ABCA4: variants seen among roughly 807,000 people sequenced by gnomAD.
ABCA4 encodes the protein ATP binding cassette subfamily A member 4, also known as retinal-specific phospholipid-transporting ATPase ABCA4.
ABCA4 carries 196 observed loss-of-function variants against 263.7 expected under a neutral mutation model. The observed-to-expected ratio is 0.74, with a 90% CI of 0.66 to 0.84. The LOEUF is 0.84. Among genes scored for constraint, ABCA4 ranks in the 40% least tolerant of loss-of-function variants. The pLI, the probability that ABCA4 is intolerant of heterozygous loss-of-function variation, is 0.00. For synonymous variants in ABCA4, 1,133 were observed against 1,094.2 expected (o/e 1.04, Z -0.70); for missense variants, 2,792 against 2,855.1 (o/e 0.98, Z 0.50).
At chr1:94,059,945 A>C (rs1661074403) in intron 14 of ABCA4, among the ~76,000 whole-genome samples, 4 of 151,752 alleles carry the variant, frequency 2.6e-5, no homozygotes, top group Admixed American at 2.6e-4. Context: ...GGCTATAAAA[A>C]CTCCTTATCA....
In ABCA4 at chr1:94,079,431, A is replaced by G; in HGVS notation, c.1130T>C (p.Leu377Pro). The change falls in exon 9 of 50, where the codon CTG becomes CCG. Residue 377 changes from leucine (L) to proline (P), a missense_variant. By Grantham distance (98) the Leu-to-Pro change is moderately conservative. Coordinates refer to ENST00000370225, the MANE Select transcript of ABCA4 (RefSeq NM_000350.3). ...GATTTTGGTTAAAGGATTTGACTCC[A>G]GGCTCTGGATCAATGCATTACAAAA... ...TSFCNALIQS[L>P]ESNPLTKIAW... The G allele has an allele frequency of 3.1e-6, 5 of 1,614,234 alleles. No individual in the cohort carries two copies. Among genetic ancestry groups the G allele is most frequent in the Non-Finnish European group, 4.2e-6 (5 of 1,180,030 alleles).
chr1:94,046,967 T>C lies in ABCA4; in HGVS notation c.2870A>G (p.Gln957Arg), dbSNP rs61749448. 1 of 1,614,046 alleles carries C rather than the reference T, an allele frequency of 6.2e-7. No homozygotes were observed. Among genetic ancestry groups the C allele is most frequent in the Non-Finnish European group, 8.5e-7 (1 of 1,180,038 alleles). ...DRLNITFYEN[Q>R]ITAFLGHNGA... Reference sequence around the variant, plus strand: ...ATTGTGGCCCAGGAATGCGGTGATCTGGTTCTCGTAGAAGGTGATGTTCAG... The same window carrying C: ...ATTGTGGCCCAGGAATGCGGTGATCCGGTTCTCGTAGAAGGTGATGTTCAG... The change falls in exon 19 of 50, where the codon CAG (glutamine) becomes CGG (arginine). Residue 957 changes from glutamine to arginine, a missense_variant. By Grantham distance (43) the Gln-to-Arg change is conservative. Transcript: ENST00000370225.
Position 94,005,539 on chromosome 1 carries a change from A to G in ABCA4, c.6049T>C (p.Cys2017Arg), listed in dbSNP as rs2101000542. Residue 2017 changes from cysteine to arginine, a missense_variant, in exon 44 of 50, where the codon TGT becomes CGT. Cys to Arg is a radical substitution (Grantham distance 180, BLOSUM62 -3). Coordinates refer to ENST00000370225, the MANE Select transcript of ABCA4 (RefSeq NM_000350.3). Reference protein sequence around the residue: ...ISEVHQNMGYCPQFDAIDELL... With the variant: ...ISEVHQNMGYRPQFDAIDELL... ...TCATCAATTGCATCAAACTGAGGAC[A>G]GTAGCCCATATTTTGATGGACTTCA... is the stretch of plus-strand genomic sequence containing the variant. The G allele has an allele frequency of 6.2e-7, 1 of 1,614,142 alleles. No individual in the cohort carries two copies. Among genetic ancestry groups the G allele is most frequent in the Non-Finnish European group, 8.5e-7 (1 of 1,179,970 alleles).
At chr1:94,015,490 C>T (rs1036215115) in intron 37 of ABCA4, among the ~76,000 whole-genome samples, 1 of 152,146 alleles carries the variant, frequency 6.6e-6, no homozygotes, top group African/African-American at 2.4e-5. Context: ...GTAGGAGATT[C>T]AGATCATGTG....
chr1:94,005,447 G>T lies in ABCA4; in HGVS notation c.6141C>A (p.Ile2047=). The change falls in exon 44 of 50, where the codon ATC becomes ATA. Residue 2047 remains isoleucine (I), a synonymous_variant. Coordinates refer to ENST00000370225, the MANE Select transcript of ABCA4 (RefSeq NM_000350.3). ...ACAACAAAACATTTTTCACCTTTTC[G>T]ATTTCTTCTGCTGGTACACCTCGAA... is the stretch of plus-strand genomic sequence containing the variant. The part of the protein sequence containing the change: ...ARLRGVPAEE[I]EKVANWSIKS... 1 of 1,613,960 alleles carries T rather than the reference G, an allele frequency of 6.2e-7. No individual in the cohort carries two copies. The highest frequency in any genetic ancestry group is 8.5e-7 in the Non-Finnish European group (1 of 1,179,974).
chr1:94,018,083 T>C (rs1659786465), intron 36 of ABCA4, among the ~76,000 whole-genome samples: 1 of 152,190 alleles, frequency 6.6e-6, no homozygotes, highest in Non-Finnish European at 1.5e-5. Context: ...CCTACCATCT[T>C]CTACCCCTTC....
chr1:94,092,458 C>A (rs374367213), intron 6 of ABCA4, among the ~76,000 whole-genome samples: 1 of 152,128 alleles, frequency 6.6e-6, no homozygotes, highest in East Asian at 1.9e-4. Context: ...AGGGAGGAAG[C>A]GGGCTTCAGT....
rs1388116205 is a variant in ABCA4 at position 94,040,095 on chromosome 1, G to A, written c.3555C>T (p.Ser1185=). The change falls in exon 24 of 50, where the codon TCC becomes TCT. Residue 1185 remains serine, a synonymous_variant. Coordinates refer to ENST00000370225, the MANE Select transcript of ABCA4 (RefSeq NM_000350.3). ...CATCGACGTGGGCTGGACACGTGGT[G>A]GAGAAACCCTTAGACGAGCAGCTGC... ...GTCSCSSKGF[S]TTCPAHVDDL... is the part of the protein sequence containing the mutation. The A allele has an allele frequency of 3.7e-6, 6 of 1,610,246 alleles. No homozygotes were observed. Among genetic ancestry groups the A allele is most frequent in the Non-Finnish European group, 5.1e-6 (6 of 1,178,248 alleles).
At chr1:94,046,298 AAAAAAATAC>A (rs1251894561) in intron 19 of ABCA4, among the ~76,000 whole-genome samples, 1 of 128,668 alleles carries the variant, frequency 7.8e-6, no homozygotes, top group Admixed American at 7.6e-5. Context: ...AAAAAAAAAA[AAAAAAATAC>A]AAAAATTAGC....
Position 94,096,281 on chromosome 1 carries a change from T to C in ABCA4, c.768+2513A>G, listed in dbSNP as rs1662122679. Among the ~76,000 whole-genome samples the C allele has an allele frequency of 5.3e-5, 8 of 152,132 alleles. 1 individual carries two copies. The highest frequency in any genetic ancestry group is 4.6e-4 in the Admixed American group (7 of 15,274). On this transcript the variant is annotated intron_variant, in intron 6 of 49. Transcript: ENST00000370225. ...GGGGCCAGGCATTTGTAGGACACATTGAATCACTGGGGAAGCTTCTAAAAG... is the reference window on the plus strand; with the variant it reads ...GGGGCCAGGCATTTGTAGGACACATCGAATCACTGGGGAAGCTTCTAAAAG...
intron 40 of ABCA4, among the ~76,000 whole-genome samples, chr1:94,010,434 C>T (rs1406483086): frequency 6.6e-6 from 1 of 152,210 alleles, no homozygotes; most frequent in African/African-American, 2.4e-5. Context: ...CTGCTGTGTC[C>T]TTTCTCTCAT....
At chr1:94,046,565 T>C (rs762543407) in intron 19 of ABCA4, among the ~76,000 whole-genome samples, 6 of 151,706 alleles carry the variant, frequency 4.0e-5, no homozygotes, top group Middle Eastern at 3.5e-3. Flanking sequence ...CCATGGACTG[T>C]TGAGATGGGG....
Position 93,993,027 on chromosome 1 carries a change from A to G in ABCA4, c.*210T>C, listed in dbSNP as rs1180267995. On this transcript the variant is annotated 3_prime_UTR_variant, in exon 50 of 50. Transcript: ENST00000370225. ...GATTTTGTATTTGTTTGGTTTCACC[A>G]TCAGGTGTTCCAGGTGAGCAAGTCA... The G allele has an allele frequency of 1.6e-5, 10 of 627,124 alleles. No individual in the cohort carries two copies. The highest frequency in any genetic ancestry group is 2.8e-5 in the Non-Finnish European group (10 of 360,700). 38.8% of individuals were successfully genotyped at this position (627,124 alleles called of 1,614,324 possible). A position where few individuals can be genotyped will look rare whatever the true frequency, so the allele number is the denominator to read the frequency against.
chr1:94,030,407 CA>C lies in ABCA4; in HGVS notation c.4352+20del, dbSNP rs773842471. 8 of 1,612,300 alleles carry C rather than the reference CA, an allele frequency of 5.0e-6. No homozygotes were observed. The Admixed American group carries it at 1.3e-4, about 27-fold the overall frequency. On this transcript the variant is annotated intron_variant, in intron 29 of 49. Coordinates refer to ENST00000370225, the MANE Select transcript of ABCA4 (RefSeq NM_000350.3). ...CCCAGGGGAGCTAGTCTTCTTAGGA[CA>C]GGGGCGCGTAGGCACTTACGGAAGC...
At chr1:94,028,153 C>A (rs1175087334) in intron 30 of ABCA4, among the ~76,000 whole-genome samples, 18 of 152,182 alleles carry the variant, frequency 1.2e-4, no homozygotes, top group Non-Finnish European at 2.6e-4. Context: ...AGTAGTCCAC[C>A]TGGGGCTCTC....
rs777187728 is a variant in ABCA4 at position 94,098,901 on chromosome 1, C to T, written c.661G>A (p.Gly221Arg). ...ERFIIFSQRR[G>R]AKTVRYALCS... Reference sequence around the variant, plus strand: ...AGGGCATAGCGCACCGTCTTTGCCCCGCGTCTCTGGCTGAAGATGATGAAG... The same window carrying T: ...AGGGCATAGCGCACCGTCTTTGCCCTGCGTCTCTGGCTGAAGATGATGAAG... Residue 221 changes from glycine to arginine, a missense_variant, in exon 6 of 50, where the codon GGG becomes AGG. Coordinates refer to ENST00000370225, the MANE Select transcript of ABCA4 (RefSeq NM_000350.3). 2.9e-5 allele frequency: 47 copies of T among 1,613,978 alleles called. No homozygotes were observed. Among genetic ancestry groups the T allele is most frequent in the Admixed American group, 1.8e-4 (11 of 60,030 alleles).
chr1:94,017,909 T>A (rs944678551), intron 36 of ABCA4, among the ~76,000 whole-genome samples: 1 of 152,248 alleles, frequency 6.6e-6, no homozygotes, highest in African/African-American at 2.4e-5. Flanking sequence ...ACATCATATA[T>A]GTGCTAAGTG....
Position 94,019,563 on chromosome 1 carries a change from G to A in ABCA4, c.5196+19C>T, listed in dbSNP as rs138937487. ...TTGGGCCCACGGAGGGGAGGGAGGCGCTGTAAACTGACACTTACGATGTCC... is the reference window on the plus strand; with the variant it reads ...TTGGGCCCACGGAGGGGAGGGAGGCACTGTAAACTGACACTTACGATGTCC... On this transcript the variant is annotated intron_variant, in intron 36 of 49. Transcript: ENST00000370225. 550 of 1,586,496 alleles carry A rather than the reference G, an allele frequency of 3.5e-4. No individual in the cohort carries two copies. The highest frequency in any genetic ancestry group is 4.5e-4 in the Non-Finnish European group (519 of 1,165,656).
chr1:94,054,497 G>A (rs1374018563), intron 16 of ABCA4, among the ~76,000 whole-genome samples: 3 of 152,196 alleles, frequency 2.0e-5, no homozygotes, highest in Non-Finnish European at 2.9e-5. Context: ...AACAAAGTAA[G>A]GAAGCAAGCC....
Sources: gnomAD v4.1 joint callset for allele counts (sites outside exome capture counted in the v4.1 genomes callset) on GRCh38, gnomAD v4.1.1 for gene constraint, MANE v1.5 for transcripts, NCBI Gene and HGNC (gene_info 2026-07-23, HGNC 2026-07-21) for gene names.